The following ELANE variants were observed in gnomAD, a reference collection of about 807,000 sequenced individuals.
ELANE encodes neutrophil elastase.
A neutral mutation model predicts 20.6 loss-of-function variants in ELANE; 12 were observed. The observed-to-expected ratio is 0.58, with a 90% CI of 0.37 to 0.94. The LOEUF is 0.94. Among genes scored for constraint, ELANE ranks in the 40% least tolerant of loss-of-function variants. The probability of loss-of-function intolerance (pLI) is 0.01; values close to 1 mark genes in which losing one functional copy is unlikely to be tolerated. For synonymous variants in ELANE, 203 were observed against 177.4 expected (o/e 1.14, Z -1.15); for missense variants, 388 against 395.2 (o/e 0.98, Z 0.15).
rs766583570 is a variant in ELANE, at chr19:853,385, C to A, written c.348C>A (p.Asn116Lys). ...GCTACGACCCCGTAAACTTGCTCAA[C>A]GACATCGTGATTCTCCAGGTGCCGC... Reference protein sequence around the residue: ...ENGYDPVNLLNDIVILQLNGS... With the variant: ...ENGYDPVNLLKDIVILQLNGS... Residue 116 changes from asparagine to lysine, a missense_variant, in exon 3 of 5, where the codon AAC (asparagine) becomes AAA (lysine). Coordinates refer to ENST00000263621, the MANE Select transcript of ELANE (RefSeq NM_001972.4). 2 of 1,610,052 alleles carry A rather than the reference C, an allele frequency of 1.2e-6. No homozygotes were observed. Among genetic ancestry groups the A allele is most frequent in the Admixed American group, 3.3e-5 (2 of 59,796 alleles).
Position 853,012 on chromosome 19 carries a change from C to T in ELANE, c.204C>T (p.Ala68=), listed in dbSNP as rs1568304177. 2 of 1,569,310 alleles carry T rather than the reference C, an allele frequency of 1.3e-6. No individual in the cohort carries two copies. The highest frequency in any genetic ancestry group is 2.3e-5 in the East Asian group (1 of 42,822). Residue 68 remains alanine, a synonymous_variant, in exon 2 of 5, where the codon GCC becomes GCT. Transcript: ENST00000263621. ...TTGCGCCCAACTTCGTCATGTCGGC[C>T]GCGCACTGCGTGGCGAATGTGTGAG... The part of the protein sequence containing the change: ...TLIAPNFVMS[A]AHCVANVNVR...
At position 853,049 on chromosome 19, in the gene ELANE, G is replaced by A; in HGVS notation, c.224+17G>A. On this transcript the variant is annotated intron_variant, in intron 2 of 4. Transcript: ENST00000263621. ...GGCGAATGTGTGAGTAGCCGGGAGT[G>A]TGCGCGCCCGGCTCGGACCCCGCGT... 1 of 1,544,738 alleles carries A rather than the reference G, an allele frequency of 6.5e-7. No individual in the cohort carries two copies. The highest frequency in any genetic ancestry group is 8.7e-7 in the Non-Finnish European group (1 of 1,152,072).
chr19:854,775 ATATT>A (rs1205393015), intron 3 of ELANE, among the ~76,000 whole-genome samples: 5 of 146,406 alleles, frequency 3.4e-5, no homozygotes, highest in Non-Finnish European at 7.5e-5. Flanking sequence ...TATAATTATA[ATATT>A]TATTATTTTA....
At chr19:852,596 G>A (rs918318832) in intron 1 of ELANE, among the ~76,000 whole-genome samples, 4 of 78,234 alleles carry the variant, frequency 5.1e-5, no homozygotes, top group South Asian at 3.9e-4. Context: ...AACCGGGGAG[G>A]GGGGGGGGGT....
Position 856,035 on chromosome 19 carries a change from A to C in ELANE, c.675A>C (p.Ser225=). The C allele has an allele frequency of 6.2e-7, 1 of 1,612,926 alleles. No individual in the cohort carries two copies. Among genetic ancestry groups the C allele is most frequent in the Non-Finnish European group, 8.5e-7 (1 of 1,179,574 alleles). The change falls in exon 5 of 5, where the codon TCA becomes TCC. Residue 225 remains serine, a synonymous_variant. Coordinates refer to ENST00000263621, the MANE Select transcript of ELANE (RefSeq NM_001972.4). ...CCTTCGTCCGGGGAGGCTGCGCCTCAGGGCTCTACCCCGATGCCTTTGCCC... is the reference window on the plus strand; with the variant it reads ...CCTTCGTCCGGGGAGGCTGCGCCTCCGGGCTCTACCCCGATGCCTTTGCCC... The part of the protein sequence containing the change: ...IASFVRGGCA[S]GLYPDAFAPV...
intron 3 of ELANE, among the ~76,000 whole-genome samples, chr19:854,334 A>G (rs537318469): frequency 4.5e-4 from 69 of 151,996 alleles, no homozygotes; most frequent in African/African-American, 1.4e-3. Context: ...TGTAATGCCA[A>G]CTACTCAGGA....
chr19:855,988 G>C lies in ELANE; in HGVS notation c.628G>C (p.Gly210Arg). 1.9e-6 allele frequency: 3 copies of C among 1,613,380 alleles called. No individual in the cohort carries two copies. The highest frequency in any genetic ancestry group is 2.5e-6 in the Non-Finnish European group (3 of 1,180,032). ...CTCCGGCAGCCCCTTGGTCTGCAAC[G>C]GGCTAATCCACGGAATTGCCTCCTT... ...GDSGSPLVCNGLIHGIASFVR... is the reference protein window; with the variant it reads ...GDSGSPLVCNRLIHGIASFVR... The change falls in exon 5 of 5, where the codon GGG (glycine) becomes CGG (arginine). Residue 210 changes from glycine (G) to arginine (R), a missense_variant. Transcript: ENST00000263621. This position sits in a 1 kb window ranked among gnomAD's most constrained non-coding sequence, Gnocchi z 6.2.
Position 853,552 on chromosome 19 carries a change from C to T in ELANE, c.366+149C>T, listed in dbSNP as rs573602807. On this transcript the variant is annotated intron_variant, in intron 3 of 4. Coordinates refer to ENST00000263621, the MANE Select transcript of ELANE (RefSeq NM_001972.4). ...GGTCCCCTCTCCGCGCCTCGGTCTGCACCTCTGTGAAACGGGAAAATACCC... is the reference window on the plus strand; with the variant it reads ...GGTCCCCTCTCCGCGCCTCGGTCTGTACCTCTGTGAAACGGGAAAATACCC... 51 of 955,478 alleles carry T rather than the reference C, an allele frequency of 5.3e-5. 1 individual carries two copies. In the South Asian group the frequency reaches 8.1e-4, roughly 15 times the overall value. 59.2% of individuals were successfully genotyped at this position (955,478 alleles called of 1,614,324 possible).
At position 856,165 on chromosome 19, in the gene ELANE, G is replaced by C; in HGVS notation, c.*1G>C. ...GGACCCGGCCAGCAGGACCCACTGAGAAGGGCTGCCCGGGTCACCTCAGCT... is the reference window on the plus strand; with the variant it reads ...GGACCCGGCCAGCAGGACCCACTGACAAGGGCTGCCCGGGTCACCTCAGCT... On this transcript the variant is annotated 3_prime_UTR_variant, in exon 5 of 5. Transcript: ENST00000263621. 1 of 1,612,830 alleles carries C rather than the reference G, an allele frequency of 6.2e-7. No homozygotes were observed. The highest frequency in any genetic ancestry group is 8.5e-7 in the Non-Finnish European group (1 of 1,180,010).
chr19:855,941 C>T lies in ELANE; in HGVS notation c.598-17C>T. On this transcript the variant is annotated splice_polypyrimidine_tract_variant and intron_variant, in intron 4 of 4. Coordinates refer to ENST00000263621, the MANE Select transcript of ELANE (RefSeq NM_001972.4). This position sits in a 1 kb window ranked among gnomAD's most constrained non-coding sequence, Gnocchi z 6.2. ...GGGCCTCGCAGTCCAGCTTCCCCAC[C>T]TTGTCTGCCTCCACAGGGGGACTCC... The T allele has an allele frequency of 6.2e-7, 1 of 1,612,938 alleles. No homozygotes were observed. Among genetic ancestry groups the T allele is most frequent in the Non-Finnish European group, 8.5e-7 (1 of 1,180,010 alleles).
Position 852,804 on chromosome 19 carries a change from CA to C in ELANE, c.68-71del. On this transcript the variant is annotated intron_variant, in intron 1 of 4. Coordinates refer to ENST00000263621, the MANE Select transcript of ELANE (RefSeq NM_001972.4). ...TCCCGTGGGTTCCTGGTGGGGGATC[CA>C]GAGGCCCCGTGGCCGGGAGGGGACA... The C allele has an allele frequency of 1.9e-6, 3 of 1,542,196 alleles. No individual in the cohort carries two copies. In the Admixed American group the frequency reaches 5.7e-5, roughly 29 times the overall value.
At position 855,894 on chromosome 19, in the gene ELANE, A is replaced by C. The variant is rs2035672249; in HGVS notation, c.598-64A>C. On this transcript the variant is annotated intron_variant, in intron 4 of 4. Coordinates refer to ENST00000263621, the MANE Select transcript of ELANE (RefSeq NM_001972.4). The surrounding 1 kb of genome is among the most constrained non-coding windows in gnomAD (Gnocchi z 6.2). The stretch of plus-strand genomic sequence containing the variant: ...CCCTAGGAGGGACTTCCCAACCCTG[A>C]CAGGCGGCGGGCAGGTGGGCAGGGC... 6.2e-7 allele frequency: 1 copy of C among 1,608,394 alleles called. No homozygotes were observed. The highest frequency in any genetic ancestry group is 8.5e-7 in the Non-Finnish European group (1 of 1,178,802).
chr19:852,928 G>T lies in ELANE; in HGVS notation c.120G>T (p.Ala40=). The change falls in exon 2 of 5, where the codon GCG becomes GCT. Residue 40 remains alanine, a synonymous_variant. Coordinates refer to ENST00000263621, the MANE Select transcript of ELANE (RefSeq NM_001972.4). Reference sequence around the variant, plus strand: ...GGGGCCGGCGAGCGCGGCCCCACGCGTGGCCCTTCATGGTGTCCCTGCAGC... The same window carrying T: ...GGGGCCGGCGAGCGCGGCCCCACGCTTGGCCCTTCATGGTGTCCCTGCAGC... ...IVGGRRARPH[A]WPFMVSLQLR... The T allele has an allele frequency of 6.3e-7, 1 of 1,596,932 alleles. No individual in the cohort carries two copies.
intron 3 of ELANE, among the ~76,000 whole-genome samples, chr19:854,321 G>A (rs2035640554): frequency 6.6e-6 from 1 of 151,902 alleles, no homozygotes; most frequent in Admixed American, 6.6e-5. Context: ...GGTTGTGGGT[G>A]CCTGTAATGC....
Position 853,405 on chromosome 19 carries a change from T to C in ELANE, c.366+2T>C, listed in dbSNP as rs1364427670. ...CTCAACGACATCGTGATTCTCCAGGTGCCGCCGGGCGGGGCGGGGGGCGCA... is the reference window on the plus strand; with the variant it reads ...CTCAACGACATCGTGATTCTCCAGGCGCCGCCGGGCGGGGCGGGGGGCGCA... On this transcript the variant is annotated splice_donor_variant, in intron 3 of 4. Transcript: ENST00000263621. LOFTEE classifies it high-confidence loss of function. 6.3e-7 allele frequency: 1 copy of C among 1,598,782 alleles called. No homozygotes were observed. Among genetic ancestry groups the C allele is most frequent in the South Asian group, 1.1e-5 (1 of 89,626 alleles).
chr19:854,898 G>T (rs2035653225), intron 3 of ELANE, among the ~76,000 whole-genome samples: 1 of 150,722 alleles, frequency 6.6e-6, no homozygotes, highest in Non-Finnish European at 1.5e-5. Flanking sequence ...CTGTCGCCCA[G>T]GCTGGAGCGC....
intron 1 of ELANE, 61 bp from the exon 2 acceptor site, chr19:852,815 T>C: frequency 1.3e-6 from 2 of 1,560,448 alleles, no homozygotes; most frequent in Non-Finnish European, 1.7e-6. Flanking sequence ...AGAGGCCCCG[T>C]GGCCGGGAGG....
chr19:852,634 A>G (rs2035612004), intron 1 of ELANE, among the ~76,000 whole-genome samples: 1 of 149,696 alleles, frequency 6.7e-6, no homozygotes, highest in Admixed American at 6.6e-5. Context: ...GTTCAAGTCC[A>G]GGTCTGTCTG....
Position 852,955 on chromosome 19 carries a change from G to T in ELANE, c.147G>T (p.Leu49=). 1 of 1,593,996 alleles carries T rather than the reference G, an allele frequency of 6.3e-7. No homozygotes were observed. ...HAWPFMVSLQ[L]RGGHFCGATL... is the part of the protein sequence containing the mutation. ...GGCCCTTCATGGTGTCCCTGCAGCTGCGCGGAGGCCACTTCTGCGGCGCCA... is the reference window on the plus strand; with the variant it reads ...GGCCCTTCATGGTGTCCCTGCAGCTTCGCGGAGGCCACTTCTGCGGCGCCA... The change falls in exon 2 of 5, where the codon CTG becomes CTT. Residue 49 remains leucine (L), a synonymous_variant. Transcript: ENST00000263621.
Sources: allele counts gnomAD v4.1 joint callset (sites outside exome capture counted in the v4.1 genomes callset), GRCh38; gene constraint gnomAD v4.1.1; non-coding constraint Gnocchi (gnomAD v3.1); transcripts MANE v1.5; gene names NCBI Gene and HGNC (gene_info 2026-07-23, HGNC 2026-07-21).